Variants in PTPRM observed in about 807,000 individuals in gnomAD.
PTPRM encodes protein tyrosine phosphatase receptor type M, also known as receptor-type tyrosine-protein phosphatase mu.
Under a neutral mutation model 186.7 loss-of-function variants are expected in PTPRM, and 47 were observed. That is an observed-to-expected ratio of 0.25 (90% CI 0.20 to 0.32). The LOEUF (loss-of-function observed/expected upper bound fraction) is 0.32, where lower values mean the gene tolerates loss of function less well. Ranked by LOEUF, PTPRM falls within the 10% of genes least tolerant of loss-of-function variation. The probability of loss-of-function intolerance (pLI) is 1.00; values close to 1 mark genes in which losing one functional copy is unlikely to be tolerated. For synonymous variants in PTPRM, 668 were observed against 674.9 expected (o/e 0.99, Z 0.16); for missense variants, 1,494 against 1,865.0 (o/e 0.80, Z 3.66).
intron 1 of PTPRM, among the ~76,000 whole-genome samples, chr18:7,674,930 A>T (rs900408395): frequency 3.3e-5 from 5 of 152,240 alleles, no homozygotes; most frequent in African/African-American, 1.2e-4. Context: ...TTTCAAACGC[A>T]TCAGTAGGAA....
chr18:8,012,678 C>T lies in PTPRM; in HGVS notation c.1133-57008C>T, dbSNP rs528423051. Among the ~76,000 whole-genome samples the T allele has an allele frequency of 6.2e-4, 94 of 152,178 alleles. 2 individuals are homozygous for T. In the South Asian group the frequency reaches 0.018, roughly 30 times the overall value. ...CAAACATATTTAAACCTAGAACAGGCGCAATAAAAACAAGGTGTACCATCT... is the reference window on the plus strand; with the variant it reads ...CAAACATATTTAAACCTAGAACAGGTGCAATAAAAACAAGGTGTACCATCT... On this transcript the variant is annotated intron_variant, in intron 7 of 32. Coordinates refer to ENST00000580170, the MANE Select transcript of PTPRM (RefSeq NM_001105244.2).
intron 2 of PTPRM, among the ~76,000 whole-genome samples, chr18:7,867,455 G>A (rs1314951040): frequency 2.0e-5 from 3 of 152,116 alleles, no homozygotes; most frequent in Non-Finnish European, 2.9e-5. Flanking sequence ...CTTCACTTAT[G>A]AAGCTTAATT....
Position 7,833,998 on chromosome 18 carries a change from T to C in PTPRM, c.197-54108T>C, listed in dbSNP as rs567112225. On this transcript the variant is annotated intron_variant, in intron 2 of 32. Coordinates refer to ENST00000580170, the MANE Select transcript of PTPRM (RefSeq NM_001105244.2). ...CTAGCTAGGACTTCCAGTACTATCA[T>C]CAATAACAGTGGGGAAAGAGGGAGT... Among the ~76,000 whole-genome samples the C allele has an allele frequency of 8.5e-5, 13 of 152,290 alleles. No homozygotes were observed. The South Asian group carries it at 2.7e-3, about 32-fold the overall frequency.
rs148274039 is a variant in PTPRM, at chr18:7,878,151, C to T, written c.197-9955C>T. Among the ~76,000 whole-genome samples the T allele has an allele frequency of 5.2e-3, 786 of 152,330 alleles. 4 individuals are homozygous for T. The highest frequency in any genetic ancestry group is 0.01 in the Middle Eastern group (3 of 294). On this transcript the variant is annotated intron_variant, in intron 2 of 32. Transcript: ENST00000580170. ...GTAAGATAACTATTTTCCCAGACAT[C>T]TCCATTCTAATTGTATTTCTGCTAA...
At chr18:7,823,892 C>T (rs189899108) in intron 2 of PTPRM, among the ~76,000 whole-genome samples, 1 of 152,248 alleles carries the variant, frequency 6.6e-6, no homozygotes, top group East Asian at 1.9e-4. Context: ...TTCATCTGTA[C>T]ATCTATCCTA....
chr18:7,833,293 A>G (rs983778533), intron 2 of PTPRM, among the ~76,000 whole-genome samples: 4 of 152,142 alleles, frequency 2.6e-5, no homozygotes, highest in African/African-American at 9.7e-5. Context: ...CAATTTCTTC[A>G]ACAGGGTTTT....
chr18:8,018,421 C>T lies in PTPRM; in HGVS notation c.1133-51265C>T, dbSNP rs76651227. Among the ~76,000 whole-genome samples, 1,144 of 152,288 alleles carry T rather than the reference C, an allele frequency of 7.5e-3. 12 individuals are homozygous for T. The highest frequency in any genetic ancestry group is 0.025 in the African/African-American group (1,051 of 41,542). On this transcript the variant is annotated intron_variant, in intron 7 of 32. Transcript: ENST00000580170. ...GAGCAGAGCTGCAAGTTGCTTGTTA[C>T]GCACCCCTCATTGTCACAGAGCATT...
chr18:8,248,014 A>T, intron 16 of PTPRM, 95 bp downstream of exon 16: 1 of 1,364,952 alleles, frequency 7.3e-7, no homozygotes. Context: ...TGAGGGGCTT[A>T]CTGTGTTTGA....
chr18:7,999,841 G>T lies in PTPRM; in HGVS notation c.1132+44427G>T, dbSNP rs905544388. Among the ~76,000 whole-genome samples the T allele has an allele frequency of 3.3e-5, 5 of 151,998 alleles. No homozygotes were observed. In the East Asian group the frequency reaches 9.8e-4, roughly 30 times the overall value. ...CACAAAGATTTATTATAAGGAATTGGCCCACATGTATGGAGGCTGGCAAGT... is the reference window on the plus strand; with the variant it reads ...CACAAAGATTTATTATAAGGAATTGTCCCACATGTATGGAGGCTGGCAAGT... On this transcript the variant is annotated intron_variant, in intron 7 of 32. Transcript: ENST00000580170.
chr18:8,101,753 G>T (rs1332642618), intron 11 of PTPRM, among the ~76,000 whole-genome samples: 1 of 152,146 alleles, frequency 6.6e-6, no homozygotes, highest in African/African-American at 2.4e-5. Context: ...GAGCCACAGG[G>T]CACGTGAGCT....
intron 8 of PTPRM, among the ~76,000 whole-genome samples, chr18:8,070,338 T>C (rs2089387957): frequency 2.0e-5 from 3 of 152,298 alleles, no homozygotes; most frequent in African/African-American, 7.2e-5. Flanking sequence ...ATTGTTGTTT[T>C]GGGTATTAGA....
intron 5 of PTPRM, among the ~76,000 whole-genome samples, chr18:7,941,284 C>T (rs2052156722): frequency 6.6e-6 from 1 of 152,130 alleles, no homozygotes; most frequent in South Asian, 2.1e-4. Context: ...CCTGAGGCTC[C>T]AAATGGAATG....
At chr18:7,634,211 G>C (rs1043971589) in intron 1 of PTPRM, among the ~76,000 whole-genome samples, 2 of 151,980 alleles carry the variant, frequency 1.3e-5, no homozygotes, top group East Asian at 3.9e-4. Flanking sequence ...CCGTGAGAAT[G>C]TTCATTCCAT....
chr18:8,134,158 A>G (rs1209061301), intron 13 of PTPRM, among the ~76,000 whole-genome samples: 1 of 152,176 alleles, frequency 6.6e-6, no homozygotes, highest in Admixed American at 6.5e-5. Flanking sequence ...TTGTGCATAG[A>G]CAGGGGAAAG....
At chr18:8,113,446 T>C (rs779055246) in intron 11 of PTPRM, 40 bp from the exon 12 acceptor site, 3 of 1,582,148 alleles carry the variant, frequency 1.9e-6, no homozygotes, top group African/African-American at 2.7e-5. Context: ...ATCAGTTCAG[T>C]TATCATAAAA....
Position 8,003,716 on chromosome 18 carries a change from T to C in PTPRM, c.1132+48302T>C, listed in dbSNP as rs149554778. 1.1e-3 allele frequency among the ~76,000 whole-genome samples: 160 copies of C among 152,358 alleles called. 1 individual carries two copies. The Middle Eastern group carries it at 0.037, about 36-fold the overall frequency. ...TATGGACACGAATGCTTTTAAGAGA[T>C]TGTGTATTTCTTTGCATCTGTATAA... On this transcript the variant is annotated intron_variant, in intron 7 of 32. Transcript: ENST00000580170.
rs754327190 is a variant in PTPRM at position 7,888,146 on chromosome 18, G to C, written c.237G>C (p.Gly79=). ...TGAATGCCTCTGGGAGACCTGAGGG[G>C]CAGAGAGCCCACCTGCTCTTACCCC... ...MLVNASGRPE[G]QRAHLLLPQL... Residue 79 remains glycine, a synonymous_variant, in exon 3 of 33, where the codon GGG becomes GGC. Coordinates refer to ENST00000580170, the MANE Select transcript of PTPRM (RefSeq NM_001105244.2). The C allele has an allele frequency of 2.5e-6, 4 of 1,614,110 alleles. No individual in the cohort carries two copies. Among genetic ancestry groups the C allele is most frequent in the Non-Finnish European group, 2.5e-6 (3 of 1,180,010 alleles).
intron 2 of PTPRM, among the ~76,000 whole-genome samples, chr18:7,878,796 A>G (rs1365062840): frequency 6.6e-6 from 1 of 152,162 alleles, no homozygotes; most frequent in East Asian, 1.9e-4. Context: ...GGGGAAAAAT[A>G]AATGGAAGCT....
At chr18:7,652,317 A>G (rs1203194204) in intron 1 of PTPRM, among the ~76,000 whole-genome samples, 1 of 152,138 alleles carries the variant, frequency 6.6e-6, no homozygotes, top group Non-Finnish European at 1.5e-5. Context: ...ACTGTAAACT[A>G]GTTCAACCAT....
Sources: allele counts gnomAD v4.1 joint callset (sites outside exome capture counted in the v4.1 genomes callset), GRCh38; gene constraint gnomAD v4.1.1; transcripts MANE v1.5; gene names NCBI Gene and HGNC (gene_info 2026-07-23, HGNC 2026-07-21).